The following NDST3 variants were observed in gnomAD, a reference collection of about 807,000 sequenced individuals.
The protein encoded by NDST3 is N-deacetylase and N-sulfotransferase 3.
In NDST3, 58 loss-of-function variants were observed where a neutral mutation model predicts 96.1. The ratio of observed to expected loss-of-function variants is 0.60; its 90% CI spans 0.49 to 0.75. NDST3 has a LOEUF of 0.75. NDST3 is among the 30% of genes least tolerant of loss of function. The probability of loss-of-function intolerance (pLI) is 0.00; values close to 1 mark genes in which losing one functional copy is unlikely to be tolerated. For synonymous variants in NDST3, 333 were observed against 359.7 expected (o/e 0.93, Z 0.84); for missense variants, 788 against 1,034.2 (o/e 0.76, Z 3.27).
chr4:118,087,730 C>T (rs1042587249), intron 2 of NDST3, among the ~76,000 whole-genome samples: 29 of 152,034 alleles, frequency 1.9e-4, no homozygotes, highest in African/African-American at 7.0e-4. Flanking sequence ...AAGGTTTTCT[C>T]TCTCTGTTAC....
At chr4:118,197,791 T>A (rs1737793369) in intron 6 of NDST3, among the ~76,000 whole-genome samples, 2 of 147,874 alleles carry the variant, frequency 1.4e-5, no homozygotes, top group African/African-American at 5.0e-5. Context: ...TTGTTTATTT[T>A]TTGGCTTTTG....
At chr4:118,111,252 C>A (rs1730610230) in intron 3 of NDST3, among the ~76,000 whole-genome samples, 1 of 152,166 alleles carries the variant, frequency 6.6e-6, no homozygotes, top group Admixed American at 6.5e-5. Context: ...TTTCATATCC[C>A]AAACCTCAGC....
At chr4:118,187,607 T>C (rs1331553877) in intron 6 of NDST3, among the ~76,000 whole-genome samples, 1 of 152,156 alleles carries the variant, frequency 6.6e-6, no homozygotes, top group Non-Finnish European at 1.5e-5. Flanking sequence ...CAAATAAAAG[T>C]ATACCCCAAG....
intron 3 of NDST3, among the ~76,000 whole-genome samples, chr4:118,110,022 C>T (rs1730512166): frequency 2.0e-5 from 3 of 152,170 alleles, no homozygotes; most frequent in Non-Finnish European, 2.9e-5. Context: ...AGTTAAAGAA[C>T]GTGTTAACTT....
chr4:118,103,692 C>T lies in NDST3; in HGVS notation c.982-1326C>T, dbSNP rs150547336. Among the ~76,000 whole-genome samples the T allele has an allele frequency of 5.3e-5, 8 of 152,260 alleles. No individual in the cohort carries two copies. The East Asian group carries it at 1.5e-3, about 29-fold the overall frequency. On this transcript the variant is annotated intron_variant, in intron 2 of 13. Transcript: ENST00000296499. ...TAAGGACCTAACCTGTCCCTGATGA[C>T]ATTGCTGTCAGTTCATTCTTTTGCT... is the stretch of plus-strand genomic sequence containing the variant.
intron 1 of NDST3, among the ~76,000 whole-genome samples, chr4:118,041,639 T>C (rs774519849): frequency 1.3e-5 from 2 of 152,222 alleles, no homozygotes; most frequent in Non-Finnish European, 2.9e-5. Context: ...GGGAACTCTC[T>C]GACATGCAGG....
intron 2 of NDST3, among the ~76,000 whole-genome samples, chr4:118,090,371 G>C (rs1350037619): frequency 6.6e-6 from 1 of 151,932 alleles, no homozygotes; most frequent in Admixed American, 6.6e-5. Context: ...CAGTTGAAAG[G>C]CTCATTCTAA....
chr4:118,133,541 G>A (rs550339952), intron 4 of NDST3, among the ~76,000 whole-genome samples: 1 of 152,266 alleles, frequency 6.6e-6, no homozygotes, highest in Non-Finnish European at 1.5e-5. Context: ...TACTGCGATT[G>A]CTTACCTGAT....
intron 6 of NDST3, among the ~76,000 whole-genome samples, chr4:118,148,240 G>T (rs1281944852): frequency 1.3e-5 from 2 of 152,206 alleles, no homozygotes; most frequent in South Asian, 2.1e-4. Context: ...AGAGGTTGCA[G>T]TGAGCCAAGA....
chr4:118,237,433 T>G (rs1740715050), intron 10 of NDST3, among the ~76,000 whole-genome samples: 2 of 151,678 alleles, frequency 1.3e-5, no homozygotes, highest in African/African-American at 2.4e-5. Context: ...ATCAATTAAT[T>G]TAATAAAATG....
At chr4:118,195,159 G>A (rs1737584335) in intron 6 of NDST3, among the ~76,000 whole-genome samples, 1 of 151,868 alleles carries the variant, frequency 6.6e-6, no homozygotes, top group South Asian at 2.1e-4. Flanking sequence ...TCTCTTTTTT[G>A]GTGTCCTCTT....
At chr4:118,070,804 C>A (rs892865566) in intron 2 of NDST3, among the ~76,000 whole-genome samples, 5 of 152,056 alleles carry the variant, frequency 3.3e-5, no homozygotes, top group African/African-American at 7.2e-5. Context: ...CCACTCCCCC[C>A]ACCTCATGAC....
rs899815103 is a variant in NDST3, at chr4:118,205,296, T to G, written c.1540-19195T>G. Among the ~76,000 whole-genome samples the G allele has an allele frequency of 1.0e-4, 15 of 144,432 alleles. 1 individual carries two copies. Among genetic ancestry groups the G allele is most frequent in the African/African-American group, 3.8e-4 (15 of 39,146 alleles). 94.8% of individuals were successfully genotyped at this position (144,432 alleles called of 152,430 possible). ...GAATATACACAATATTTATACTAAT[T>G]TATCATCTATTTACAGAATGATAGA... On this transcript the variant is annotated intron_variant, in intron 6 of 13. Transcript: ENST00000296499.
intron 8 of NDST3, among the ~76,000 whole-genome samples, chr4:118,229,175 C>G (rs541426051): frequency 6.6e-6 from 1 of 152,262 alleles, no homozygotes; most frequent in African/African-American, 2.4e-5. Context: ...GTGGCGTGCA[C>G]CTGTAGTCCC....
intron 2 of NDST3, among the ~76,000 whole-genome samples, chr4:118,072,327 C>A (rs1227141046): frequency 1.3e-5 from 2 of 151,946 alleles, no homozygotes; most frequent in African/African-American, 4.8e-5. Flanking sequence ...GGCAATATGG[C>A]AATTTTAACA....
At chr4:118,217,071 T>C (rs2125990052) in intron 6 of NDST3, among the ~76,000 whole-genome samples, 1 of 152,186 alleles carries the variant, frequency 6.6e-6, no homozygotes, top group Admixed American at 6.6e-5. Flanking sequence ...CTTGCATTTT[T>C]AAAAACATTG....
Position 118,190,068 on chromosome 4 carries a change from T to C in NDST3, c.1540-34423T>C, listed in dbSNP as rs1484883782. ...ACATTTTATGTCTTTATTAGTTTCCTCATCAAAAGCATATCTTGCTTTTGT... is the reference window on the plus strand; with the variant it reads ...ACATTTTATGTCTTTATTAGTTTCCCCATCAAAAGCATATCTTGCTTTTGT... On this transcript the variant is annotated intron_variant, in intron 6 of 13. Transcript: ENST00000296499. 6.6e-5 allele frequency among the ~76,000 whole-genome samples: 10 copies of C among 152,002 alleles called. 1 individual carries two copies. The highest frequency in any genetic ancestry group is 5.9e-4 in the Admixed American group (9 of 15,260).
At chr4:118,053,068 G>C (rs921931407) in intron 1 of NDST3, among the ~76,000 whole-genome samples, 1 of 151,834 alleles carries the variant, frequency 6.6e-6, no homozygotes, top group Non-Finnish European at 1.5e-5. Flanking sequence ...GGTTCCCAAT[G>C]GTCTCACACC....
At chr4:118,197,869 G>A (rs561715905) in intron 6 of NDST3, among the ~76,000 whole-genome samples, 5 of 147,362 alleles carry the variant, frequency 3.4e-5, no homozygotes, top group South Asian at 4.4e-4. Context: ...GCACGATCTC[G>A]GCTTGCTGCA....
Sources: allele counts gnomAD v4.1 joint callset (sites outside exome capture counted in the v4.1 genomes callset), GRCh38; gene constraint gnomAD v4.1.1; transcripts MANE v1.5; gene names NCBI Gene and HGNC (gene_info 2026-07-23, HGNC 2026-07-21).